FARS2: variants seen among roughly 807,000 people sequenced by gnomAD.
FARS2 encodes phenylalanyl-tRNA synthetase 2, mitochondrial.
In FARS2, 40 loss-of-function variants were observed where a neutral mutation model predicts 46.4. That is an observed-to-expected ratio of 0.86 (90% CI 0.67 to 1.12). The LOEUF (loss-of-function observed/expected upper bound fraction) is 1.12. Among genes scored for constraint, FARS2 ranks in the 50% most tolerant of loss-of-function variants. FARS2 has a pLI of 0.00. For missense variants in FARS2, 513 were observed against 567.9 expected (o/e 0.90, Z 0.98); for synonymous variants, 234 against 214.9 (o/e 1.09, Z -0.78).
intron 4 of FARS2, among the ~76,000 whole-genome samples, chr6:5,441,906 C>T (rs1436942021): frequency 1.3e-5 from 2 of 152,236 alleles, no homozygotes; most frequent in African/African-American, 4.8e-5. Flanking sequence ...TAACACTTGA[C>T]GTTGTTCAAC....
intron 5 of FARS2, among the ~76,000 whole-genome samples, chr6:5,587,179 A>G (rs1470673478): frequency 6.6e-6 from 1 of 152,240 alleles, no homozygotes; most frequent in Non-Finnish European, 1.5e-5. Context: ...ATAAAATGGA[A>G]ACAAAATCAT....
At chr6:5,684,715 A>G (rs1757055669) in intron 6 of FARS2, among the ~76,000 whole-genome samples, 4 of 152,210 alleles carry the variant, frequency 2.6e-5, no homozygotes, top group Admixed American at 2.6e-4. Context: ...GACATCTTAC[A>G]CATTGAGTGG....
chr6:5,725,821 G>T (rs1353804233), intron 6 of FARS2, among the ~76,000 whole-genome samples: 9 of 152,170 alleles, frequency 5.9e-5, no homozygotes, highest in African/African-American at 2.2e-4. Context: ...TGTAATCCCA[G>T]CTACTCGGGA....
intron 6 of FARS2, among the ~76,000 whole-genome samples, chr6:5,667,152 G>A (rs925750253): frequency 1.3e-5 from 2 of 152,154 alleles, no homozygotes; most frequent in Non-Finnish European, 2.9e-5. Context: ...AAACCCCCAT[G>A]ACACAAGTTT....
At position 5,579,292 on chromosome 6, in the gene FARS2, G is replaced by A. The variant is rs950091602; in HGVS notation, c.1066-33877G>A. On this transcript the variant is annotated intron_variant, in intron 5 of 6. Coordinates refer to ENST00000274680, the MANE Select transcript of FARS2 (RefSeq NM_006567.5). Reference sequence around the variant, plus strand: ...TTTTGTTTTTTTTAGATGGAGTATTGCTCTGTCTCCCAGGCTGGAGTGCAG... The same window carrying A: ...TTTTGTTTTTTTTAGATGGAGTATTACTCTGTCTCCCAGGCTGGAGTGCAG... 9.9e-5 allele frequency among the ~76,000 whole-genome samples: 15 copies of A among 151,974 alleles called. No individual in the cohort carries two copies. The East Asian group carries it at 2.9e-3, about 29-fold the overall frequency.
chr6:5,708,496 A>C (rs903696316), intron 6 of FARS2, among the ~76,000 whole-genome samples: 1 of 152,090 alleles, frequency 6.6e-6, no homozygotes, highest in Non-Finnish European at 1.5e-5. Flanking sequence ...GAATCAGGTG[A>C]AAAGGGGGCT....
chr6:5,742,215 G>A (rs535846142), intron 6 of FARS2, among the ~76,000 whole-genome samples: 13 of 152,180 alleles, frequency 8.5e-5, no homozygotes, highest in Non-Finnish European at 1.6e-4. Flanking sequence ...GGCATCTCAT[G>A]TCCCACAGAT....
At chr6:5,444,466 C>G (rs1173411369) in intron 4 of FARS2, among the ~76,000 whole-genome samples, 1 of 91,478 alleles carries the variant, frequency 1.1e-5, no homozygotes, top group Non-Finnish European at 1.9e-5. Flanking sequence ...GACTCTGTCT[C>G]AAAAAAAAAA....
intron 1 of FARS2, among the ~76,000 whole-genome samples, chr6:5,325,004 CATG>C (rs1159184206): frequency 6.6e-6 from 1 of 152,184 alleles, no homozygotes; most frequent in Non-Finnish European, 1.5e-5. Context: ...CTATGTACCT[CATG>C]GTGGCAGATT....
At chr6:5,534,324 A>G (rs1770048472) in intron 4 of FARS2, among the ~76,000 whole-genome samples, 1 of 152,222 alleles carries the variant, frequency 6.6e-6, no homozygotes, top group African/African-American at 2.4e-5. Flanking sequence ...TAAGTGTACA[A>G]TTCAGTGGCA....
chr6:5,695,922 C>CATACACA (rs1445102386), intron 6 of FARS2, among the ~76,000 whole-genome samples: 9 of 152,212 alleles, frequency 5.9e-5, no homozygotes, highest in African/African-American at 2.2e-4. Flanking sequence ...CTTCAACAGT[C>CATACACA]GGTGAGCACG....
At chr6:5,707,683 A>C (rs1235437422) in intron 6 of FARS2, among the ~76,000 whole-genome samples, 1 of 152,186 alleles carries the variant, frequency 6.6e-6, no homozygotes, top group Non-Finnish European at 1.5e-5. Flanking sequence ...AAATCTGAGC[A>C]CACATGCCAG....
In FARS2 at chr6:5,630,453, A is replaced by G. The variant is rs1776244767; in HGVS notation, c.1217+17133A>G. On this transcript the variant is annotated intron_variant, in intron 6 of 6. Coordinates refer to ENST00000274680, the MANE Select transcript of FARS2 (RefSeq NM_006567.5). This position sits in a 1 kb window ranked among gnomAD's most constrained non-coding sequence, Gnocchi z 4.2. ...TGTCTTTACTTGTATTTATTCCACA[A>G]ATGTTCATAACTAGAGAATACTTGA... Among the ~76,000 whole-genome samples the G allele has an allele frequency of 6.6e-6, 1 of 152,210 alleles. No homozygotes were observed. The highest frequency in any genetic ancestry group is 2.1e-4 in the South Asian group (1 of 4,832).
chr6:5,549,474 T>A (rs1314732763), intron 5 of FARS2, among the ~76,000 whole-genome samples: 2 of 152,166 alleles, frequency 1.3e-5, no homozygotes, highest in Non-Finnish European at 2.9e-5. Context: ...TTCCGGCTTT[T>A]AAAGGCCATC....
At chr6:5,295,233 G>A (rs767490885) in intron 1 of FARS2, among the ~76,000 whole-genome samples, 1 of 152,152 alleles carries the variant, frequency 6.6e-6, no homozygotes, top group Admixed American at 6.5e-5. Flanking sequence ...ACCTAGCAAG[G>A]TGAGCAGTGA....
At chr6:5,437,820 T>C (rs1384650495) in intron 4 of FARS2, among the ~76,000 whole-genome samples, 1 of 152,162 alleles carries the variant, frequency 6.6e-6, no homozygotes, top group Non-Finnish European at 1.5e-5. Flanking sequence ...TTCTTTTATA[T>C]TTACTTAGCT....
chr6:5,582,337 C>T (rs529768926), intron 5 of FARS2, among the ~76,000 whole-genome samples: 8 of 152,296 alleles, frequency 5.3e-5, no homozygotes, highest in African/African-American at 1.9e-4. Flanking sequence ...GGTTTAGCAA[C>T]ATAACTGGAT....
intron 5 of FARS2, among the ~76,000 whole-genome samples, chr6:5,599,518 A>G (rs1172117438): frequency 6.6e-6 from 1 of 152,274 alleles, no homozygotes; most frequent in East Asian, 1.9e-4. Context: ...AGATAGAGAC[A>G]GAATAGAAAA....
At chr6:5,484,382 C>T (rs532306154) in intron 4 of FARS2, among the ~76,000 whole-genome samples, 3 of 152,248 alleles carry the variant, frequency 2.0e-5, no homozygotes, top group South Asian at 4.2e-4. Flanking sequence ...TTTTAGGTGG[C>T]AACACAGTCC....
Sources: allele counts gnomAD v4.1 joint callset (sites outside exome capture counted in the v4.1 genomes callset), GRCh38; gene constraint gnomAD v4.1.1; non-coding constraint Gnocchi (gnomAD v3.1); transcripts MANE v1.5; gene names NCBI Gene and HGNC (gene_info 2026-07-23, HGNC 2026-07-21).